The following FRMPD1 variants were observed in gnomAD, a reference collection of about 807,000 sequenced individuals.
The protein encoded by FRMPD1 is FERM and PDZ domain containing 1.
In FRMPD1, 76 loss-of-function variants were observed where a neutral mutation model predicts 117.8. That is an observed-to-expected ratio of 0.65 (90% CI 0.54 to 0.78). The LOEUF is 0.78. Among genes scored for constraint, FRMPD1 ranks in the 30% least tolerant of loss-of-function variants. The probability of loss-of-function intolerance (pLI) is 0.00; values close to 1 mark genes in which losing one functional copy is unlikely to be tolerated. For missense variants in FRMPD1, 1,786 were observed against 1,964.5 expected (o/e 0.91, Z 1.72); for synonymous variants, 783 against 770.4 (o/e 1.02, Z -0.27).
chr9:37,636,966 C>T, the FRMPD1 span: 1 of 1,593,266 alleles, frequency 6.3e-7, no homozygotes, highest in African/African-American at 1.3e-5. Flanking sequence ...TTCTCGCTGG[C>T]ATGGCGGTCA....
chr9:37,622,939 T>G, the FRMPD1 span, among the ~76,000 whole-genome samples: 1 of 150,344 alleles, frequency 6.7e-6, no homozygotes, highest in Non-Finnish European at 1.5e-5. Context: ...CAAAGAGAGA[T>G]GCTTATGTAT....
chr9:37,626,622 G>GATAAAAAAAAAAAAAAAAAA, the FRMPD1 span, among the ~76,000 whole-genome samples: 1 of 48,650 alleles, frequency 2.1e-5, no homozygotes, highest in Non-Finnish European at 3.9e-5. Flanking sequence ...CCTGGTATCT[G>GATAAAAAAAAAAAAAAAAAA]AAAAAAAAAA....
At chr9:37,619,731 C>G in the FRMPD1 span, among the ~76,000 whole-genome samples, 5 of 150,446 alleles carry the variant, frequency 3.3e-5, no homozygotes, top group Admixed American at 3.3e-4. Context: ...GCACTCCAGC[C>G]TGGGCGACAC....
At chr9:37,659,636 T>G (rs1820937190) in intron 1 of FRMPD1, among the ~76,000 whole-genome samples, 1 of 152,086 alleles carries the variant, frequency 6.6e-6, no homozygotes, top group Non-Finnish European at 1.5e-5. Flanking sequence ...TCCCACTAAT[T>G]TAGACTGAGA....
Position 37,745,169 on chromosome 9 carries a change from T to C in FRMPD1, c.3137T>C (p.Leu1046Ser). 1 of 1,614,070 alleles carries C rather than the reference T, an allele frequency of 6.2e-7. No individual in the cohort carries two copies. Among genetic ancestry groups the C allele is most frequent in the Middle Eastern group, 1.6e-4 (1 of 6,062 alleles). ...VSQGDTLELQ[L>S]EPHVQLEMGL... ...CAAGGAGACACACTAGAGCTCCAGT[T>C]GGAGCCCCATGTCCAGTTGGAAATG... Residue 1046 changes from leucine to serine, a missense_variant, in exon 16 of 16, where the codon TTG becomes TCG. Leu to Ser is a moderately radical substitution (Grantham distance 145). Transcript: ENST00000377765.
chr9:37,741,919 C>T (rs1824441683), intron 15 of FRMPD1, among the ~76,000 whole-genome samples: 1 of 152,216 alleles, frequency 6.6e-6, no homozygotes, highest in Non-Finnish European at 1.5e-5. Context: ...ATTTCCCAGG[C>T]TTCCCAGGCC....
intron 1 of FRMPD1, among the ~76,000 whole-genome samples, chr9:37,691,923 G>C (rs1175605168): frequency 1.3e-5 from 2 of 151,912 alleles, no homozygotes; most frequent in African/African-American, 2.4e-5. Flanking sequence ...GAAAAGAAAA[G>C]AAAAGAAAAG....
chr9:37,631,416 GGCAAAAAGAAATGT>G, the FRMPD1 span, among the ~76,000 whole-genome samples: 1 of 152,038 alleles, frequency 6.6e-6, no homozygotes, highest in Non-Finnish European at 1.5e-5. Context: ...TGGCAGCCTG[GGCAAAAAGAAATGT>G]GTGATGAGTT....
the FRMPD1 span, among the ~76,000 whole-genome samples, chr9:37,614,258 A>G: frequency 6.6e-6 from 1 of 152,212 alleles, no homozygotes; most frequent in African/African-American, 2.4e-5. Context: ...GAAAAAGATT[A>G]TTCTAGGCAG....
the FRMPD1 span, chr9:37,637,346 C>G: frequency 4.6e-6 from 4 of 860,218 alleles, no homozygotes; most frequent in Admixed American, 3.6e-5. Flanking sequence ...CTCCGCCTCC[C>G]GTTCCAAGAT....
chr9:37,629,841 T>A, the FRMPD1 span, among the ~76,000 whole-genome samples: 3 of 152,188 alleles, frequency 2.0e-5, no homozygotes, highest in Admixed American at 6.5e-5. Context: ...CTGTCTTAGT[T>A]TTTTTGGGCT....
At chr9:37,727,763 G>A (rs1823677069) in intron 7 of FRMPD1, among the ~76,000 whole-genome samples, 1 of 152,038 alleles carries the variant, frequency 6.6e-6, no homozygotes, top group South Asian at 2.1e-4. Context: ...TGAGGAGGGA[G>A]GAAATGGACC....
At chr9:37,608,882 A>T in the FRMPD1 span, among the ~76,000 whole-genome samples, 1 of 152,206 alleles carries the variant, frequency 6.6e-6, no homozygotes, top group South Asian at 2.1e-4. Flanking sequence ...ATTATTATGT[A>T]GGTGTTATTA....
intron 2 of FRMPD1, among the ~76,000 whole-genome samples, chr9:37,702,079 A>C (rs1054763988): frequency 6.6e-6 from 1 of 152,358 alleles, no homozygotes; most frequent in East Asian, 1.9e-4. Context: ...GATTAGGGCA[A>C]TAGCCATAGG....
At chr9:37,707,770 G>T (rs1392453422) in intron 3 of FRMPD1, among the ~76,000 whole-genome samples, 197 bp downstream of exon 3, 3 of 152,216 alleles carry the variant, frequency 2.0e-5, no homozygotes, top group Non-Finnish European at 4.4e-5. Context: ...TGCACTTGCC[G>T]CTCCAAACCC....
chr9:37,732,916 G>T (rs1479698078), intron 10 of FRMPD1, among the ~76,000 whole-genome samples: 2 of 152,194 alleles, frequency 1.3e-5, no homozygotes, highest in African/African-American at 4.8e-5. Context: ...CCAGATCTCA[G>T]CTCTGTCCTG....
At chr9:37,634,623 C>T in the FRMPD1 span, among the ~76,000 whole-genome samples, 1 of 152,116 alleles carries the variant, frequency 6.6e-6, no homozygotes, top group Non-Finnish European at 1.5e-5. Flanking sequence ...TTCAATTCTC[C>T]TCTATTTTGC....
intron 2 of FRMPD1, among the ~76,000 whole-genome samples, chr9:37,693,859 C>T (rs1822231489): frequency 6.6e-6 from 1 of 152,186 alleles, no homozygotes; most frequent in Admixed American, 6.5e-5. Flanking sequence ...CCCCCCGCAG[C>T]TTAAGGCTTG....
At chr9:37,727,502 G>C (rs79455232) in intron 7 of FRMPD1, among the ~76,000 whole-genome samples, 291 of 152,186 alleles carry the variant, frequency 1.9e-3, no homozygotes, top group African/African-American at 6.7e-3. Context: ...GTGGCAGGAG[G>C]GTTCACAGGA....
Sources: allele counts gnomAD v4.1 joint callset (sites outside exome capture counted in the v4.1 genomes callset), GRCh38; gene constraint gnomAD v4.1.1; transcripts MANE v1.5; gene names NCBI Gene and HGNC (gene_info 2026-07-23, HGNC 2026-07-21).